Variants in GALNT13 observed in about 807,000 individuals in gnomAD.
GALNT13 encodes polypeptide N-acetylgalactosaminyltransferase 13, also known as UDP-GalNAc:polypeptide N-acetylgalactosaminyltransferase 13.
Under a neutral mutation model 64.2 loss-of-function variants are expected in GALNT13, and 28 were observed. That is an observed-to-expected ratio of 0.44 (90% CI 0.32 to 0.60). GALNT13 has a LOEUF of 0.60. Among genes scored for constraint, GALNT13 ranks in the 20% least tolerant of loss-of-function variants. The pLI is 0.05. For missense variants in GALNT13, 577 were observed against 669.8 expected (o/e 0.86, Z 1.53); for synonymous variants, 214 against 224.6 (o/e 0.95, Z 0.42).
chr2:153,291,999 A>G, the GALNT13 span, among the ~76,000 whole-genome samples: 295 of 152,304 alleles, frequency 1.9e-3, 2 homozygotes, highest in African/African-American at 6.9e-3. Flanking sequence ...GAAAAAGGAA[A>G]TGCCCTATCC....
chr2:153,723,763 C>T, the GALNT13 span, among the ~76,000 whole-genome samples: 23 of 151,508 alleles, frequency 1.5e-4, no homozygotes, highest in Non-Finnish European at 2.9e-4. Context: ...TGAAGGACCT[C>T]TTCAAGGAGA....
At chr2:153,485,339 G>A in the GALNT13 span, among the ~76,000 whole-genome samples, 20 of 152,216 alleles carry the variant, frequency 1.3e-4, no homozygotes, top group East Asian at 2.5e-3. Flanking sequence ...ACTTTCATCT[G>A]TGATTTCTTT....
the GALNT13 span, among the ~76,000 whole-genome samples, chr2:153,726,514 G>A: frequency 6.6e-6 from 1 of 152,044 alleles, no homozygotes; most frequent in African/African-American, 2.4e-5. Flanking sequence ...GTGTTGATAG[G>A]CAAATAAAAC....
the GALNT13 span, among the ~76,000 whole-genome samples, chr2:153,535,441 G>C: frequency 6.6e-6 from 1 of 152,202 alleles, no homozygotes; most frequent in African/African-American, 2.4e-5. Flanking sequence ...TAAACCGGCA[G>C]TGTAAACAAG....
At chr2:154,386,243 A>C (rs2105341974) in intron 9 of GALNT13, among the ~76,000 whole-genome samples, 1 of 152,148 alleles carries the variant, frequency 6.6e-6, no homozygotes, top group South Asian at 2.1e-4. Context: ...TCAACTGACT[A>C]AAATTAGGGG....
intron 4 of GALNT13, among the ~76,000 whole-genome samples, chr2:154,217,847 G>A (rs1426618721): frequency 2.0e-5 from 3 of 152,126 alleles, no homozygotes; most frequent in Admixed American, 1.3e-4. Flanking sequence ...TCAAAAGAGT[G>A]TGTGTGAACA....
the GALNT13 span, among the ~76,000 whole-genome samples, chr2:153,509,005 T>C: frequency 8.4e-3 from 1,275 of 152,266 alleles, 17 homozygotes; most frequent in African/African-American, 0.029. Context: ...CCCCAAGAGA[T>C]TGGCAGGCAG....
At chr2:154,153,850 T>C (rs1343244860) in intron 4 of GALNT13, among the ~76,000 whole-genome samples, 1 of 152,222 alleles carries the variant, frequency 6.6e-6, no homozygotes, top group East Asian at 1.9e-4. Flanking sequence ...TTTCTTTGAC[T>C]AGGAAAGGGA....
the GALNT13 span, among the ~76,000 whole-genome samples, chr2:153,413,965 A>G: frequency 1.3e-5 from 2 of 152,194 alleles, no homozygotes; most frequent in African/African-American, 2.4e-5. Context: ...TGACTATTCT[A>G]AAAGTAATGA....
the GALNT13 span, among the ~76,000 whole-genome samples, chr2:153,511,298 G>A: frequency 1.1e-4 from 17 of 151,916 alleles, no homozygotes; most frequent in African/African-American, 3.4e-4. Flanking sequence ...AAAAAGGGGC[G>A]GGGGTTGGCT....
intron 9 of GALNT13, among the ~76,000 whole-genome samples, chr2:154,391,857 A>G (rs1574222407): frequency 6.6e-6 from 1 of 152,194 alleles, no homozygotes; most frequent in East Asian, 1.9e-4. Context: ...AATAAGTGCC[A>G]TGGAAAAAAA....
the GALNT13 span, among the ~76,000 whole-genome samples, chr2:153,080,727 A>T: frequency 6.6e-6 from 1 of 151,978 alleles, no homozygotes; most frequent in African/African-American, 2.4e-5. Flanking sequence ...AATTCTTCTA[A>T]AATCTTTTAA....
intron 3 of GALNT13, among the ~76,000 whole-genome samples, chr2:154,057,728 A>C (rs1260062103): frequency 6.6e-6 from 1 of 152,196 alleles, no homozygotes; most frequent in African/African-American, 2.4e-5. Flanking sequence ...CTGTATAGAA[A>C]TATTTGACTA....
chr2:153,171,897 C>T, the GALNT13 span: 14 of 152,088 alleles, frequency 9.2e-5, no homozygotes, highest in African/African-American at 3.4e-4. Context: ...CAGGACTGAC[C>T]ATGTAGATTA....
rs2105257660 is a variant in GALNT13, at chr2:153,887,125, G to A, written c.-176-13811G>A. 1.3e-5 allele frequency among the ~76,000 whole-genome samples: 2 copies of A among 151,944 alleles called. 1 individual carries two copies. Among genetic ancestry groups the A allele is most frequent in the South Asian group, 4.1e-4 (2 of 4,820 alleles). On this transcript the variant is annotated intron_variant, in intron 1 of 12. Coordinates refer to ENST00000392825, the MANE Select transcript of GALNT13 (RefSeq NM_052917.4). Reference sequence around the variant, plus strand: ...CTGGGCAAGAAGGTCTCTTTTAAGTGCTTTACATAACATTAACTCATTTAA... The same window carrying A: ...CTGGGCAAGAAGGTCTCTTTTAAGTACTTTACATAACATTAACTCATTTAA...
rs1701913496 is a variant in GALNT13, at chr2:154,452,603, A to T, written c.*2052A>T. On this transcript the variant is annotated 3_prime_UTR_variant, in exon 13 of 13. Coordinates refer to ENST00000392825, the MANE Select transcript of GALNT13 (RefSeq NM_052917.4). The stretch of plus-strand genomic sequence containing the variant: ...AGCTACCCCATCAAAGCTGAACTTG[A>T]AACGTTTTAGCAGAATTTTAAATAT... 2 of 152,190 alleles carry T rather than the reference A, an allele frequency of 1.3e-5. No homozygotes were observed. The highest frequency in any genetic ancestry group is 4.8e-5 in the African/African-American group (2 of 41,450). The allele number at this position is 152,190 out of a possible 1,614,324, so 9.4% of individuals were successfully genotyped here.
chr2:153,228,368 A>G, the GALNT13 span, among the ~76,000 whole-genome samples: 1 of 152,168 alleles, frequency 6.6e-6, no homozygotes, highest in Non-Finnish European at 1.5e-5. Flanking sequence ...AATACTCGAA[A>G]TGCCTGCATT....
chr2:153,596,219 A>AG, the GALNT13 span, among the ~76,000 whole-genome samples: 1 of 152,206 alleles, frequency 6.6e-6, no homozygotes, highest in South Asian at 2.1e-4. Context: ...ACAGAGGTAG[A>AG]AGCTGCTAAG....
At chr2:153,523,172 A>G in the GALNT13 span, among the ~76,000 whole-genome samples, 8 of 147,136 alleles carry the variant, frequency 5.4e-5, no homozygotes, top group Non-Finnish European at 8.9e-5. Flanking sequence ...ATACAGGTCT[A>G]TTTCTGGGAT....
Sources: allele counts gnomAD v4.1 joint callset (sites outside exome capture counted in the v4.1 genomes callset), GRCh38; gene constraint gnomAD v4.1.1; transcripts MANE v1.5; gene names NCBI Gene and HGNC (gene_info 2026-07-23, HGNC 2026-07-21).